The following CMTM8 variants were observed in gnomAD, a reference collection of about 807,000 sequenced individuals.
CMTM8 encodes CKLF like MARVEL transmembrane domain containing 8, also known as CKLF-like MARVEL transmembrane domain-containing protein 8.
Under a neutral mutation model 18.6 loss-of-function variants are expected in CMTM8, and 12 were observed. The observed-to-expected ratio is 0.65, with a 90% CI of 0.41 to 1.05. The LOEUF (loss-of-function observed/expected upper bound fraction) is 1.05, where lower values mean the gene tolerates loss of function less well. Among genes scored for constraint, CMTM8 ranks in the 50% least tolerant of loss-of-function variants. The pLI is 0.00. For missense variants in CMTM8, 217 were observed against 227.2 expected (o/e 0.95, Z 0.29); for synonymous variants, 87 against 90.6 (o/e 0.96, Z 0.23).
At chr3:32,332,886 C>A (rs1696307390) in intron 1 of CMTM8, among the ~76,000 whole-genome samples, 1 of 152,158 alleles carries the variant, frequency 6.6e-6, no homozygotes, top group Non-Finnish European at 1.5e-5. Context: ...TCATTTCTTA[C>A]TGTTATCCTC....
chr3:32,259,652 G>GC, intron 1 of CMTM8: 1 of 1,349,638 alleles, frequency 7.4e-7, no homozygotes, highest in Non-Finnish European at 1.1e-6. Flanking sequence ...GGAGGTAGAT[G>GC]CCCCCAAATC....
intron 1 of CMTM8, among the ~76,000 whole-genome samples, chr3:32,272,111 G>A (rs1702447140): frequency 6.6e-6 from 1 of 152,110 alleles, no homozygotes; most frequent in African/African-American, 2.4e-5. Context: ...TAACTTGGCA[G>A]TTATTTTTGT....
intron 1 of CMTM8, among the ~76,000 whole-genome samples, chr3:32,250,836 A>G (rs1469753160): frequency 3.3e-5 from 5 of 151,848 alleles, no homozygotes; most frequent in Admixed American, 6.6e-5. Flanking sequence ...CAAATGATCC[A>G]CCTGTCTCGG....
Position 32,342,374 on chromosome 3 carries a change from A to G in CMTM8, c.148-14999A>G, listed in dbSNP as rs151211773. Among the ~76,000 whole-genome samples, 5 of 152,354 alleles carry G rather than the reference A, an allele frequency of 3.3e-5. No individual in the cohort carries two copies. The East Asian group carries it at 9.6e-4, about 29-fold the overall frequency. On this transcript the variant is annotated intron_variant, in intron 1 of 3. Transcript: ENST00000307526. ...ACTGTTACCAGGGGCTTGGGTACATAGGTCCTCGATAAATATTGGTTGAAT... is the reference window on the plus strand; with the variant it reads ...ACTGTTACCAGGGGCTTGGGTACATGGGTCCTCGATAAATATTGGTTGAAT...
intron 1 of CMTM8, among the ~76,000 whole-genome samples, chr3:32,347,707 A>G (rs932626778): frequency 2.6e-5 from 4 of 152,060 alleles, no homozygotes; most frequent in Non-Finnish European, 5.9e-5. Flanking sequence ...CTTCACTGTC[A>G]TCTGTGGAAT....
intron 1 of CMTM8, among the ~76,000 whole-genome samples, chr3:32,274,621 A>AACCTTT (rs1702489174): frequency 6.6e-6 from 1 of 152,176 alleles, no homozygotes; most frequent in Non-Finnish European, 1.5e-5. Flanking sequence ...TAAAGGACAA[A>AACCTTT]AGTATTCTCC....
chr3:32,317,059 C>T (rs890302944), intron 1 of CMTM8, among the ~76,000 whole-genome samples: 10 of 152,164 alleles, frequency 6.6e-5, no homozygotes, highest in Admixed American at 6.5e-4. Flanking sequence ...CACAGATAGG[C>T]AGTCAAGGGA....
chr3:32,262,079 A>G (rs114543424), intron 1 of CMTM8, among the ~76,000 whole-genome samples: 1,721 of 152,266 alleles, frequency 0.011, 30 homozygotes, highest in African/African-American at 0.039. Context: ...CAGAAGGAAG[A>G]CGAGGAAGCA....
At chr3:32,311,217 A>T (rs1695814074) in intron 1 of CMTM8, among the ~76,000 whole-genome samples, 1 of 152,230 alleles carries the variant, frequency 6.6e-6, no homozygotes, top group Admixed American at 6.5e-5. Context: ...TTGCGGAAAA[A>T]ATTAAAACAA....
At chr3:32,284,726 G>A (rs937614655) in intron 1 of CMTM8, among the ~76,000 whole-genome samples, 2 of 152,174 alleles carry the variant, frequency 1.3e-5, no homozygotes, top group African/African-American at 2.4e-5. Context: ...ATATTTTACT[G>A]TATAAATGAA....
intron 1 of CMTM8, among the ~76,000 whole-genome samples, chr3:32,328,040 A>C (rs1245765449): frequency 2.0e-5 from 3 of 152,120 alleles, no homozygotes; most frequent in African/African-American, 7.2e-5. Context: ...GTAGAACCTC[A>C]TCTCTACAAA....
chr3:32,311,728 C>T (rs941590642), intron 1 of CMTM8, among the ~76,000 whole-genome samples: 1 of 152,188 alleles, frequency 6.6e-6, no homozygotes. Context: ...GCTGGATGTC[C>T]TATAAATCAA....
intron 1 of CMTM8, among the ~76,000 whole-genome samples, chr3:32,246,016 C>T (rs13090596): frequency 0.44 from 67,250 of 152,040 alleles, 14,913 homozygotes; most frequent in East Asian, 0.53. Flanking sequence ...CAGGGTTTCA[C>T]GAAGTTAGCT....
At chr3:32,339,681 A>T (rs1696455000) in intron 1 of CMTM8, among the ~76,000 whole-genome samples, 1 of 152,190 alleles carries the variant, frequency 6.6e-6, no homozygotes, top group African/African-American at 2.4e-5. Flanking sequence ...CTGCAGGGGT[A>T]GGCCGGGCGC....
chr3:32,335,470 G>A (rs141329758), intron 1 of CMTM8, among the ~76,000 whole-genome samples: 220 of 152,312 alleles, frequency 1.4e-3, no homozygotes, highest in Non-Finnish European at 2.1e-3. Flanking sequence ...ATGGAAATGT[G>A]TGCAGGTAGA....
chr3:32,333,381 G>A (rs1290834523), intron 1 of CMTM8, among the ~76,000 whole-genome samples: 1 of 152,184 alleles, frequency 6.6e-6, no homozygotes, highest in Non-Finnish European at 1.5e-5. Flanking sequence ...TGGACCAACA[G>A]CACGGGCATC....
chr3:32,327,274 A>G (rs1412706544), intron 1 of CMTM8, among the ~76,000 whole-genome samples: 1 of 152,236 alleles, frequency 6.6e-6, no homozygotes, highest in Non-Finnish European at 1.5e-5. Context: ...CTTTTAAAAT[A>G]AATTTTGATT....
At chr3:32,297,360 A>G (rs567511503) in intron 1 of CMTM8, among the ~76,000 whole-genome samples, 2 of 152,210 alleles carry the variant, frequency 1.3e-5, no homozygotes, top group South Asian at 2.1e-4. Flanking sequence ...TGCATTTTTT[A>G]GTAGAGGTGG....
At chr3:32,270,796 C>A (rs1195845558) in intron 1 of CMTM8, among the ~76,000 whole-genome samples, 1 of 152,074 alleles carries the variant, frequency 6.6e-6, no homozygotes, top group Non-Finnish European at 1.5e-5. Context: ...GTGCAGCACA[C>A]CAACATGGCA....
Sources: gnomAD v4.1 joint callset for allele counts (sites outside exome capture counted in the v4.1 genomes callset) on GRCh38, gnomAD v4.1.1 for gene constraint, MANE v1.5 for transcripts, NCBI Gene and HGNC (gene_info 2026-07-23, HGNC 2026-07-21) for gene names.